AHI1: variants seen among roughly 807,000 people sequenced by gnomAD.
AHI1 encodes Abelson helper integration site 1.
A neutral mutation model predicts 149.3 loss-of-function variants in AHI1; 123 were observed. The observed-to-expected ratio is 0.82, with a 90% CI of 0.71 to 0.96. AHI1 has a LOEUF of 0.96. Ranked by LOEUF, AHI1 falls within the 40% of genes least tolerant of loss-of-function variation. The pLI is 0.00. For missense variants in AHI1, 1,439 were observed against 1,422.7 expected (o/e 1.01, Z -0.18); for synonymous variants, 475 against 459.8 (o/e 1.03, Z -0.42).
intron 24 of AHI1, among the ~76,000 whole-genome samples, chr6:135,336,991 G>A (rs907333399): frequency 7.9e-5 from 12 of 152,034 alleles, no homozygotes; most frequent in Non-Finnish European, 1.5e-5. Flanking sequence ...TAAAATAACT[G>A]TTATTTTTAA....
chr6:135,420,439 T>G (rs932196666), intron 20 of AHI1, among the ~76,000 whole-genome samples: 1 of 152,190 alleles, frequency 6.6e-6, no homozygotes, highest in Non-Finnish European at 1.5e-5. Context: ...ATTAGAAAGC[T>G]GCTTCATCTC....
chr6:135,392,481 G>T (rs1171716641), intron 23 of AHI1, among the ~76,000 whole-genome samples: 1 of 152,080 alleles, frequency 6.6e-6, no homozygotes, highest in East Asian at 1.9e-4. Flanking sequence ...TAGCATGAGC[G>T]CTAATGGGCT....
chr6:135,456,243 A>G (rs1403643932), intron 9 of AHI1, among the ~76,000 whole-genome samples: 3 of 152,232 alleles, frequency 2.0e-5, no homozygotes, highest in South Asian at 2.1e-4. Flanking sequence ...GTAAGAGTTT[A>G]TAATAAAATA....
At chr6:135,420,720 T>C (rs1265218596) in intron 20 of AHI1, among the ~76,000 whole-genome samples, 1 of 152,192 alleles carries the variant, frequency 6.6e-6, no homozygotes, top group Non-Finnish European at 1.5e-5. Context: ...GGGGGTACTG[T>C]GGCTGGTTTC....
At chr6:135,332,608 T>G (rs886845855) in intron 24 of AHI1, among the ~76,000 whole-genome samples, 3 of 152,234 alleles carry the variant, frequency 2.0e-5, no homozygotes, top group African/African-American at 7.2e-5. Context: ...ACTAACTTGT[T>G]AATTCACCTT....
chr6:135,455,931 A>G lies in AHI1; in HGVS notation c.1152-5T>C, dbSNP rs760770898. ...TAAGATGAAACAGGCCGTCCACTGT[A>G]CAAAAAAAGATACTTCCATTAACAC... On this transcript the variant is annotated splice_polypyrimidine_tract_variant and splice_region_variant and intron_variant, in intron 9 of 28. Transcript: ENST00000265602. The G allele has an allele frequency of 1.4e-6, 2 of 1,407,972 alleles. No individual in the cohort carries two copies. The highest frequency in any genetic ancestry group is 2.5e-5 in the Admixed American group (1 of 39,778). The allele number at this position is 1,407,972 out of a possible 1,614,324, so 87.2% of individuals were successfully genotyped here. A position where few individuals can be genotyped will look rare whatever the true frequency, so the allele number is the denominator to read the frequency against.
At chr6:135,310,469 G>A (rs1026612042) in intron 26 of AHI1, among the ~76,000 whole-genome samples, 1 of 152,146 alleles carries the variant, frequency 6.6e-6, no homozygotes, top group Non-Finnish European at 1.5e-5. Flanking sequence ...CTCTGTTCTT[G>A]TTTTGAACTA....
At chr6:135,340,491 T>A (rs2746421) in intron 24 of AHI1, among the ~76,000 whole-genome samples, 82,037 of 150,808 alleles carry the variant, frequency 0.54, 22,479 homozygotes, top group Middle Eastern at 0.64. Flanking sequence ...TAACTGATAA[T>A]TCAGAGAGTT....
chr6:135,387,787 C>G (rs758409366), intron 23 of AHI1: 1 of 1,313,798 alleles, frequency 7.6e-7, no homozygotes, highest in Non-Finnish European at 9.7e-7. Context: ...CCTCCCATAA[C>G]CTCATACTGT....
intron 5 of AHI1, among the ~76,000 whole-genome samples, chr6:135,488,008 G>A (rs2128131076): frequency 6.6e-6 from 1 of 152,004 alleles, no homozygotes; most frequent in Non-Finnish European, 1.5e-5. Flanking sequence ...AGATTCCTCA[G>A]GCTACAATTT....
intron 20 of AHI1, among the ~76,000 whole-genome samples, chr6:135,418,480 T>A (rs1459385742): frequency 2.0e-5 from 3 of 152,146 alleles, no homozygotes; most frequent in Non-Finnish European, 4.4e-5. Context: ...CTTTTGTGTA[T>A]GTTCTTGAGT....
In AHI1 at chr6:135,390,193, T is replaced by C. The variant is rs1051235268; in HGVS notation, c.3109+4583A>G. The stretch of plus-strand genomic sequence containing the variant: ...TGATCTTGATTCAGATAAAATAACA[T>C]AGAATAAAACTTCTCTGTACAGAGC... On this transcript the variant is annotated intron_variant, in intron 23 of 28. Coordinates refer to ENST00000265602, the MANE Select transcript of AHI1 (RefSeq NM_001134831.2). 3.9e-5 allele frequency among the ~76,000 whole-genome samples: 6 copies of C among 152,162 alleles called. No individual in the cohort carries two copies. In the South Asian group the frequency reaches 6.2e-4, roughly 16 times the overall value.
At chr6:135,351,142 AAC>A (rs1444700709) in intron 24 of AHI1, among the ~76,000 whole-genome samples, 2,784 of 147,968 alleles carry the variant, frequency 0.019, 50 homozygotes, top group African/African-American at 0.069. Flanking sequence ...AAACAAAAAA[AAC>A]AAAAAAAAAA....
In AHI1 at chr6:135,472,257, C is replaced by T. The variant is rs528237450; in HGVS notation, c.136-4623G>A. Among the ~76,000 whole-genome samples the T allele has an allele frequency of 9.9e-5, 15 of 152,146 alleles. No homozygotes were observed. In the East Asian group the frequency reaches 2.7e-3, roughly 27 times the overall value. On this transcript the variant is annotated intron_variant, in intron 5 of 28. Transcript: ENST00000265602. ...TGGTATCACAATAGCTTTGCCTTGT[C>T]TAGACTTTCACATAAATGAAATTAT...
At chr6:135,402,578 A>G (rs1780171029) in intron 22 of AHI1, among the ~76,000 whole-genome samples, 1 of 151,938 alleles carries the variant, frequency 6.6e-6, no homozygotes, top group African/African-American at 2.4e-5. Context: ...TTACACCAAG[A>G]GTGCCTGCCT....
intron 20 of AHI1, among the ~76,000 whole-genome samples, chr6:135,414,972 C>G (rs948985199): frequency 8.9e-6 from 1 of 112,584 alleles, no homozygotes; most frequent in African/African-American, 3.3e-5. Context: ...CCTCCCCCCA[C>G]CCCACAACAG....
At chr6:135,314,789 T>C (rs567662930) in intron 26 of AHI1, among the ~76,000 whole-genome samples, 36 of 152,298 alleles carry the variant, frequency 2.4e-4, no homozygotes, top group African/African-American at 8.4e-4. Context: ...TTTTAGGGTA[T>C]TGCAATGCCA....
intron 24 of AHI1, among the ~76,000 whole-genome samples, chr6:135,339,078 C>T (rs1311117120): frequency 6.6e-6 from 1 of 151,590 alleles, no homozygotes; most frequent in Non-Finnish European, 1.5e-5. Context: ...CAGATGCCCA[C>T]CACCATGTCC....
At chr6:135,313,845 A>G (rs1483488928) in intron 26 of AHI1, among the ~76,000 whole-genome samples, 3 of 152,178 alleles carry the variant, frequency 2.0e-5, no homozygotes, top group Non-Finnish European at 4.4e-5. Context: ...AGTCAATGTT[A>G]ACTCAAGGGT....
Sources: gnomAD v4.1 joint callset for allele counts (sites outside exome capture counted in the v4.1 genomes callset) on GRCh38, gnomAD v4.1.1 for gene constraint, MANE v1.5 for transcripts, NCBI Gene and HGNC (gene_info 2026-07-23, HGNC 2026-07-21) for gene names.